Variants in HS2ST1 observed in about 807,000 individuals in gnomAD.
The protein encoded by HS2ST1 is heparan sulfate 2-O-sulfotransferase 1.
A neutral mutation model predicts 42.9 loss-of-function variants in HS2ST1; 18 were observed. That is an observed-to-expected ratio of 0.42 (90% CI 0.29 to 0.62). The LOEUF (loss-of-function observed/expected upper bound fraction) is 0.62, where lower values mean the gene tolerates loss of function less well. Ranked by LOEUF, HS2ST1 falls within the 20% of genes least tolerant of loss-of-function variation. HS2ST1 has a pLI of 0.21. For synonymous variants in HS2ST1, 146 were observed against 152.9 expected, an observed-to-expected ratio of 0.95 and a Z score of 0.33; for missense variants, 334 against 433.8, an observed-to-expected ratio of 0.77 and a Z score of 2.04.
chr1:87,061,173 A>G (rs1034841339), intron 1 of HS2ST1, among the ~76,000 whole-genome samples: 2 of 152,160 alleles, frequency 1.3e-5, no homozygotes, highest in Non-Finnish European at 2.9e-5. Context: ...TAAACAGTTA[A>G]ATATTTTATA....
chr1:86,950,316 G>C (rs1647473897), intron 1 of HS2ST1, among the ~76,000 whole-genome samples: 1 of 152,158 alleles, frequency 6.6e-6, no homozygotes. Context: ...AAAAATGCTA[G>C]TAGTTGGTAT....
chr1:87,054,344 TAAG>T (rs781432461), intron 1 of HS2ST1, among the ~76,000 whole-genome samples: 276 of 152,266 alleles, frequency 1.8e-3, no homozygotes, highest in Non-Finnish European at 3.0e-3. Context: ...CCTCTACCCA[TAAG>T]AATCTGCTTG....
chr1:87,061,042 ATATT>A (rs1651107929), intron 1 of HS2ST1, among the ~76,000 whole-genome samples: 1 of 152,176 alleles, frequency 6.6e-6, no homozygotes, highest in African/African-American at 2.4e-5. Context: ...GGATTAACAT[ATATT>A]TAATGTGGAA....
intron 1 of HS2ST1, among the ~76,000 whole-genome samples, chr1:86,998,380 T>C (rs1292616550): frequency 1.3e-5 from 2 of 152,186 alleles, no homozygotes; most frequent in Non-Finnish European, 2.9e-5. Context: ...TTTAAAGTAA[T>C]ATGCTTGTCT....
At chr1:87,046,080 C>G in intron 1 of HS2ST1, 1 of 665,358 alleles carries the variant, frequency 1.5e-6, no homozygotes, top group Non-Finnish European at 2.9e-6. Flanking sequence ...CATCATGAAC[C>G]CTGACTATAA....
At chr1:87,003,044 G>A (rs1406900285) in intron 1 of HS2ST1, among the ~76,000 whole-genome samples, 4 of 152,230 alleles carry the variant, frequency 2.6e-5, no homozygotes, top group Non-Finnish European at 4.4e-5. Context: ...GGGTGCGTGT[G>A]GCCCACGCCC....
chr1:87,037,183 GAATGTTTAATATGT>G, intron 1 of HS2ST1, among the ~76,000 whole-genome samples: 1 of 17,956 alleles, frequency 5.6e-5, no homozygotes, highest in African/African-American at 8.4e-5. Flanking sequence ...AGTAGTATGT[GAATGTTTAATATGT>G]AATTCTATAA....
intron 1 of HS2ST1, among the ~76,000 whole-genome samples, chr1:86,963,924 G>A (rs1011265837): frequency 2.7e-5 from 4 of 150,478 alleles, no homozygotes; most frequent in African/African-American, 4.9e-5. Flanking sequence ...CGGACGGGGC[G>A]GCTGCTGGGC....
At chr1:86,946,023 A>C (rs967644080) in intron 1 of HS2ST1, among the ~76,000 whole-genome samples, 1 of 152,228 alleles carries the variant, frequency 6.6e-6, no homozygotes, top group African/African-American at 2.4e-5. Context: ...CTAAGTCTTA[A>C]GTATTTGACA....
chr1:87,073,530 A>G (rs968192053), intron 2 of HS2ST1, among the ~76,000 whole-genome samples: 1 of 152,168 alleles, frequency 6.6e-6, no homozygotes, highest in Non-Finnish European at 1.5e-5. Context: ...TTTGATGGAT[A>G]CTTGTATTCA....
intron 1 of HS2ST1, among the ~76,000 whole-genome samples, chr1:86,939,487 T>TA (rs1471754818): frequency 6.6e-6 from 1 of 152,236 alleles, no homozygotes; most frequent in Non-Finnish European, 1.5e-5. Flanking sequence ...TGGATGTACT[T>TA]ATGTTTTCAC....
chr1:86,962,859 T>A (rs547881651), intron 1 of HS2ST1, among the ~76,000 whole-genome samples: 70 of 152,332 alleles, frequency 4.6e-4, no homozygotes, highest in African/African-American at 1.6e-3. Flanking sequence ...CTAAAAGATA[T>A]GAAGTCATAT....
chr1:87,102,769 G>A (rs1302854152), intron 5 of HS2ST1, among the ~76,000 whole-genome samples: 1 of 151,822 alleles, frequency 6.6e-6, no homozygotes, highest in Non-Finnish European at 1.5e-5. Flanking sequence ...TTTTTTAATA[G>A]TTTGAGAAAA....
At chr1:87,075,928 T>C (rs1651532300) in intron 2 of HS2ST1, among the ~76,000 whole-genome samples, 1 of 152,190 alleles carries the variant, frequency 6.6e-6, no homozygotes, top group Non-Finnish European at 1.5e-5. Context: ...AAGGTTGTAC[T>C]ACATTCTTTG....
chr1:86,971,480 G>T (rs1033361608), intron 1 of HS2ST1, among the ~76,000 whole-genome samples: 8 of 152,082 alleles, frequency 5.3e-5, no homozygotes, highest in Admixed American at 2.6e-4. Context: ...TGGACCTAGG[G>T]TGGGGTTTTA....
At chr1:86,995,831 C>G (rs1043002826) in intron 1 of HS2ST1, among the ~76,000 whole-genome samples, 3 of 151,746 alleles carry the variant, frequency 2.0e-5, no homozygotes, top group African/African-American at 4.8e-5. Flanking sequence ...AGTGCTATGC[C>G]AGAAATAACA....
chr1:87,015,591 G>A (rs879766897), intron 1 of HS2ST1, among the ~76,000 whole-genome samples: 23 of 151,924 alleles, frequency 1.5e-4, no homozygotes, highest in Non-Finnish European at 2.4e-4. Flanking sequence ...TGATCTGCCC[G>A]CCTCAGCCTC....
chr1:87,096,938 C>G (rs1385128542), intron 4 of HS2ST1, among the ~76,000 whole-genome samples: 1 of 152,300 alleles, frequency 6.6e-6, no homozygotes, highest in South Asian at 2.1e-4. Flanking sequence ...AAATCTGGCA[C>G]AAATGATAAT....
intron 1 of HS2ST1, among the ~76,000 whole-genome samples, chr1:86,978,139 A>G (rs529817334): frequency 1.3e-5 from 2 of 152,368 alleles, no homozygotes; most frequent in East Asian, 1.9e-4. Context: ...GCAATAGGCT[A>G]TAGCATCTAT....
Sources: gnomAD v4.1 joint callset for allele counts (sites outside exome capture counted in the v4.1 genomes callset) on GRCh38, gnomAD v4.1.1 for gene constraint, MANE v1.5 for transcripts, NCBI Gene and HGNC (gene_info 2026-07-23, HGNC 2026-07-21) for gene names.